Variants in MAGI1 observed in about 807,000 individuals in gnomAD.
The protein encoded by MAGI1 is membrane-associated guanylate kinase, WW and PDZ domain-containing protein 1.
Under a neutral mutation model 139.9 loss-of-function variants are expected in MAGI1, and 58 were observed. That is an observed-to-expected ratio of 0.41 (90% CI 0.34 to 0.52). The LOEUF is 0.52. Among genes scored for constraint, MAGI1 ranks in the 20% least tolerant of loss-of-function variants. The pLI, the probability that MAGI1 is intolerant of heterozygous loss-of-function variation, is 0.12. For synonymous variants in MAGI1, 812 were observed against 737.9 expected (o/e 1.10, Z -1.63); for missense variants, 1,874 against 1,901.6 (o/e 0.99, Z 0.27).
At chr3:65,663,030 AG>A (rs2086288623) in intron 1 of MAGI1, among the ~76,000 whole-genome samples, 1 of 152,188 alleles carries the variant, frequency 6.6e-6, no homozygotes, top group Non-Finnish European at 1.5e-5. Flanking sequence ...GTTTCAAAGG[AG>A]GTACACCTAC....
chr3:65,564,102 G>A (rs1035090111), intron 2 of MAGI1, among the ~76,000 whole-genome samples: 6 of 152,036 alleles, frequency 3.9e-5, no homozygotes, highest in Non-Finnish European at 5.9e-5. Flanking sequence ...CTGCATTTAC[G>A]CTTTCCCATT....
intron 1 of MAGI1, among the ~76,000 whole-genome samples, chr3:65,673,139 T>A (rs544102045): frequency 6.6e-6 from 1 of 152,242 alleles, no homozygotes; most frequent in South Asian, 2.1e-4. Context: ...AAATTAAGAT[T>A]CGATGACTGA....
At chr3:65,724,761 T>A (rs551221473) in intron 1 of MAGI1, among the ~76,000 whole-genome samples, 1 of 152,184 alleles carries the variant, frequency 6.6e-6, no homozygotes, top group South Asian at 2.1e-4. Context: ...AGCAAACATG[T>A]CCTTCTTCAC....
chr3:65,891,396 C>T (rs570377250), intron 1 of MAGI1, among the ~76,000 whole-genome samples: 1 of 152,200 alleles, frequency 6.6e-6, no homozygotes, highest in African/African-American at 2.4e-5. Context: ...CCACCCATCA[C>T]TGACCAATCA....
intron 1 of MAGI1, among the ~76,000 whole-genome samples, chr3:65,933,998 G>A (rs1002935740): frequency 2.6e-5 from 4 of 152,010 alleles, no homozygotes; most frequent in Admixed American, 1.3e-4. Context: ...TTGGTGGTGG[G>A]CATCTGTAAT....
At position 65,363,825 on chromosome 3, in the gene MAGI1, CAT is replaced by C. The variant is rs201618283; in HGVS notation, c.3352-219_3352-218del. 1.6e-3 allele frequency among the ~76,000 whole-genome samples: 250 copies of C among 152,268 alleles called. 1 individual carries two copies. The highest frequency in any genetic ancestry group is 5.8e-3 in the African/African-American group (242 of 41,548). The stretch of plus-strand genomic sequence containing the variant: ...ATATGCATCTGTGTATTTATTATAA[CAT>C]GTGGATTAAAATTTAATCAGTGAGG... On this transcript the variant is annotated intron_variant, in intron 20 of 22. Coordinates refer to ENST00000402939, the MANE Select transcript of MAGI1 (RefSeq NM_001033057.2).
rs1409033055 is a variant in MAGI1 at position 65,778,448 on chromosome 3, AT to A, written c.314-156361del. Among the ~76,000 whole-genome samples, 97 of 146,986 alleles carry A rather than the reference AT, an allele frequency of 6.6e-4. 3 individuals are homozygous for A. The highest frequency in any genetic ancestry group is 1.9e-3 in the African/African-American group (74 of 39,542). On this transcript the variant is annotated intron_variant, in intron 1 of 22. Coordinates refer to ENST00000402939, the MANE Select transcript of MAGI1 (RefSeq NM_001033057.2). Reference sequence around the variant, plus strand: ...TCTGTCTCAAAAAAAAAAAAAATAAATAAATAAGTCTTTTGAGAAATGCAGG... The same window carrying A: ...TCTGTCTCAAAAAAAAAAAAAATAAAAAATAAGTCTTTTGAGAAATGCAGG...
intron 2 of MAGI1, among the ~76,000 whole-genome samples, chr3:65,570,317 G>T (rs1218332205): frequency 6.6e-6 from 1 of 151,460 alleles, no homozygotes; most frequent in Non-Finnish European, 1.5e-5. Context: ...GGCCAGGCTG[G>T]TCTCAAACTC....
chr3:65,887,221 A>C (rs1450221358), intron 1 of MAGI1, among the ~76,000 whole-genome samples: 1 of 152,120 alleles, frequency 6.6e-6, no homozygotes, highest in Non-Finnish European at 1.5e-5. Context: ...CTGGAGGATT[A>C]GAATTTTAGG....
At chr3:65,946,551 C>G (rs2063552983) in intron 1 of MAGI1, among the ~76,000 whole-genome samples, 1 of 152,160 alleles carries the variant, frequency 6.6e-6, no homozygotes, top group African/African-American at 2.4e-5. Flanking sequence ...GAACAGCCAC[C>G]AAGAGGGGAG....
At chr3:65,915,484 C>A (rs1347256502) in intron 1 of MAGI1, among the ~76,000 whole-genome samples, 3 of 152,192 alleles carry the variant, frequency 2.0e-5, no homozygotes, top group African/African-American at 4.8e-5. Context: ...ACACTGGCTG[C>A]TTTCTCCTAC....
intron 22 of MAGI1, 47 bp downstream of exon 22, chr3:65,361,152 T>C (rs1180836967): frequency 3.1e-6 from 5 of 1,614,058 alleles, no homozygotes; most frequent in East Asian, 2.2e-5. Flanking sequence ...GACAAATTCA[T>C]GGAGTCATGC....
intron 12 of MAGI1, among the ~76,000 whole-genome samples, chr3:65,419,229 C>CACACACACACACACACACACAT (rs1161672999): frequency 0.031 from 4,447 of 144,742 alleles, 196 homozygotes; most frequent in African/African-American, 0.1. Context: ...CATACACACA[C>CACACACACACACACACACACAT]ACACACACAC....
chr3:65,630,927 G>A (rs528383279), intron 1 of MAGI1, among the ~76,000 whole-genome samples: 1 of 152,350 alleles, frequency 6.6e-6, no homozygotes, highest in Admixed American at 6.5e-5. Flanking sequence ...ATGATAAAGA[G>A]CTTGCATTTT....
intron 1 of MAGI1, among the ~76,000 whole-genome samples, chr3:65,864,898 T>C (rs1575756738): frequency 6.6e-6 from 1 of 152,156 alleles, no homozygotes; most frequent in Admixed American, 6.6e-5. Flanking sequence ...TAAAGAAAGA[T>C]ATGCAAATGG....
intron 2 of MAGI1, among the ~76,000 whole-genome samples, chr3:65,536,264 AT>A (rs1273443124): frequency 1.3e-5 from 2 of 152,170 alleles, no homozygotes; most frequent in African/African-American, 2.4e-5. Context: ...CCTTTGTATA[AT>A]AACTCCTAGC....
chr3:65,482,714 T>A (rs1466398330), intron 3 of MAGI1, among the ~76,000 whole-genome samples: 1 of 152,246 alleles, frequency 6.6e-6, no homozygotes, highest in African/African-American at 2.4e-5. Context: ...TGTCTAGTGG[T>A]TTTCTAACTG....
chr3:66,025,118 T>C (rs80072256), intron 1 of MAGI1, among the ~76,000 whole-genome samples: 1,842 of 152,314 alleles, frequency 0.012, 34 homozygotes, highest in African/African-American at 0.041. Context: ...ATATGTTATA[T>C]AAAAGAGAAC....
At chr3:65,463,022 G>C (rs921634229) in intron 5 of MAGI1, among the ~76,000 whole-genome samples, 2 of 152,166 alleles carry the variant, frequency 1.3e-5, no homozygotes, top group African/African-American at 4.8e-5. Flanking sequence ...TTTTTAGGCT[G>C]AGATGATGGG....
Sources: gnomAD v4.1 joint callset for allele counts (sites outside exome capture counted in the v4.1 genomes callset) on GRCh38, gnomAD v4.1.1 for gene constraint, MANE v1.5 for transcripts, NCBI Gene and HGNC (gene_info 2026-07-23, HGNC 2026-07-21) for gene names.